Variants in RAB11FIP4 observed in about 807,000 individuals in gnomAD.
RAB11FIP4 encodes rab11 family-interacting protein 4.
Under a neutral mutation model 74.3 loss-of-function variants are expected in RAB11FIP4, and 23 were observed. That is an observed-to-expected ratio of 0.31 (90% CI 0.22 to 0.44). The LOEUF (loss-of-function observed/expected upper bound fraction) is 0.44, where lower values mean the gene tolerates loss of function less well. Ranked by LOEUF, RAB11FIP4 falls within the 20% of genes least tolerant of loss-of-function variation. The pLI is 1.00. For missense variants in RAB11FIP4, 630 were observed against 863.9 expected (o/e 0.73, Z 3.39); for synonymous variants, 360 against 359.9 (o/e 1.00, Z 0.00).
chr17:31,448,392 A>ATTTTTTTTGTTTTT (rs2071489965), intron 3 of RAB11FIP4: 1 of 79,832 alleles, frequency 1.3e-5, no homozygotes, highest in South Asian at 4.9e-4. Flanking sequence ...CATCCAGCTA[A>ATTTTTTTTGTTTTT]TTTTTTTTTT....
In RAB11FIP4 at chr17:31,530,464, G is replaced by C. The variant is rs770552148; in HGVS notation, c.1792G>C (p.Asp598His). ...TGCGGAGATAGACACCGCCTCGCGC[G>C]ATGAGGTAACCACACCACCGGCTCT... is the stretch of plus-strand genomic sequence containing the variant. ...LAAEIDTASR[D>H]ELMEALKEQE... The change falls in exon 14 of 15, where the codon GAT becomes CAT. Residue 598 changes from aspartate (D) to histidine (H), a missense_variant. Coordinates refer to ENST00000621161, the MANE Select transcript of RAB11FIP4 (RefSeq NM_032932.6). The C allele has an allele frequency of 6.2e-7, 1 of 1,613,078 alleles. No homozygotes were observed. The highest frequency in any genetic ancestry group is 1.3e-5 in the African/African-American group (1 of 74,914).
At chr17:31,522,269 T>C (rs1377786434) in intron 6 of RAB11FIP4, 91 bp from the exon 7 acceptor site, 10 of 1,396,740 alleles carry the variant, frequency 7.2e-6, no homozygotes, top group Non-Finnish European at 9.0e-6. Context: ...GGAAGAGCCT[T>C]GTCCTGCACT....
At chr17:31,397,378 G>T (rs1567641837) in intron 1 of RAB11FIP4, among the ~76,000 whole-genome samples, 1 of 152,164 alleles carries the variant, frequency 6.6e-6, no homozygotes, top group Non-Finnish European at 1.5e-5. Flanking sequence ...AGTGGCGGGG[G>T]GTGCAGAATT....
chr17:31,470,424 C>T (rs927441544), intron 3 of RAB11FIP4, among the ~76,000 whole-genome samples: 2 of 152,156 alleles, frequency 1.3e-5, no homozygotes, highest in African/African-American at 4.8e-5. Flanking sequence ...CATGAGATGC[C>T]TTAAAACCAT....
intron 1 of RAB11FIP4, chr17:31,392,318 G>A (rs2070882197): frequency 4.3e-6 from 1 of 229,894 alleles, no homozygotes; most frequent in Non-Finnish European, 8.5e-6. Flanking sequence ...ACCCTTGTCT[G>A]GGGGAGAGAG....
At chr17:31,519,181 A>AT (rs1258685708) in intron 4 of RAB11FIP4, among the ~76,000 whole-genome samples, 3 of 151,554 alleles carry the variant, frequency 2.0e-5, no homozygotes, top group Non-Finnish European at 2.9e-5. Flanking sequence ...CGCCTGGCTA[A>AT]TTTTTTGTAT....
At chr17:31,445,553 T>C (rs1217250048) in intron 3 of RAB11FIP4, among the ~76,000 whole-genome samples, 1 of 12,030 alleles carries the variant, frequency 8.3e-5, no homozygotes, top group African/African-American at 2.6e-4. Flanking sequence ...TATATATATA[T>C]ATATATATAT....
At chr17:31,449,759 G>C (rs1046906402) in intron 3 of RAB11FIP4, among the ~76,000 whole-genome samples, 4 of 152,176 alleles carry the variant, frequency 2.6e-5, no homozygotes, top group African/African-American at 9.7e-5. Context: ...AGGCTGGAGT[G>C]CAGTAGTGCA....
chr17:31,526,137 T>G (rs2072762742), intron 10 of RAB11FIP4: 1 of 152,236 alleles, frequency 6.6e-6, no homozygotes, highest in African/African-American at 2.4e-5. Context: ...CATTTTACAT[T>G]TTGACTCTAT....
Position 31,533,294 on chromosome 17 carries a change from A to G in RAB11FIP4, c.*1562A>G, listed in dbSNP as rs1302112004. ...TGTTGGATCTCGTGGCTTCTTTTTAATCTTTTGTTGGGGATTAGTTTCATG... is the reference window on the plus strand; with the variant it reads ...TGTTGGATCTCGTGGCTTCTTTTTAGTCTTTTGTTGGGGATTAGTTTCATG... On this transcript the variant is annotated 3_prime_UTR_variant, in exon 15 of 15. Coordinates refer to ENST00000621161, the MANE Select transcript of RAB11FIP4 (RefSeq NM_032932.6). The G allele has an allele frequency of 6.6e-6, 1 of 152,022 alleles. No homozygotes were observed. The highest frequency in any genetic ancestry group is 1.5e-5 in the Non-Finnish European group (1 of 68,094). 9.4% of individuals were successfully genotyped at this position (152,022 alleles called of 1,614,324 possible).
At chr17:31,425,506 C>T (rs1220118454) in intron 1 of RAB11FIP4, among the ~76,000 whole-genome samples, 5 of 152,136 alleles carry the variant, frequency 3.3e-5, no homozygotes. Context: ...GGTAATCAAT[C>T]AGACAGCAAC....
chr17:31,515,534 G>T (rs882360), intron 3 of RAB11FIP4, among the ~76,000 whole-genome samples: 30,313 of 150,884 alleles, frequency 0.2, 3,271 homozygotes, highest in South Asian at 0.31. Context: ...ACTGGTAGCA[G>T]CAGACGGCTG....
intron 1 of RAB11FIP4, among the ~76,000 whole-genome samples, chr17:31,411,929 G>A (rs938824122): frequency 7.9e-5 from 12 of 152,250 alleles, no homozygotes; most frequent in African/African-American, 2.2e-4. Flanking sequence ...TCTGGCCATC[G>A]TCCTTGCCTC....
intron 3 of RAB11FIP4, chr17:31,448,524 T>C (rs1392777766): frequency 1.3e-5 from 2 of 151,622 alleles, no homozygotes; most frequent in Non-Finnish European, 2.9e-5. Flanking sequence ...GAGCAACCTC[T>C]CCTAGCCCTG....
chr17:31,427,725 G>A (rs890358071), intron 1 of RAB11FIP4, among the ~76,000 whole-genome samples: 1 of 152,228 alleles, frequency 6.6e-6, no homozygotes, highest in East Asian at 1.9e-4. Flanking sequence ...GGTAGAGGGT[G>A]CCCTGGCTCA....
At chr17:31,516,404 G>A (rs532849329) in intron 3 of RAB11FIP4, among the ~76,000 whole-genome samples, 11 of 152,186 alleles carry the variant, frequency 7.2e-5, no homozygotes, top group African/African-American at 2.7e-4. Flanking sequence ...GGTTCTTAGC[G>A]TCTTGAACAA....
rs370666623 is a variant in RAB11FIP4 at position 31,512,092 on chromosome 17, G to C, written c.337-5559G>C. Among the ~76,000 whole-genome samples the C allele has an allele frequency of 2.6e-5, 4 of 152,184 alleles. No individual in the cohort carries two copies. Among genetic ancestry groups the C allele is most frequent in the East Asian group, 1.9e-4 (1 of 5,188 alleles). On this transcript the variant is annotated intron_variant, in intron 3 of 14. Coordinates refer to ENST00000621161, the MANE Select transcript of RAB11FIP4 (RefSeq NM_032932.6). The surrounding 1 kb of genome is among the most constrained non-coding windows in gnomAD (Gnocchi z 4.1). ...TAATTCCTCAGCTTGGCTTCTCTGA[G>C]GAGGGTGGGCGTCCCTCCTGGCTGC...
rs576904890 is a variant in RAB11FIP4, at chr17:31,503,326, T to TA, written c.337-14325_337-14324insA. Among the ~76,000 whole-genome samples the TA allele has an allele frequency of 1.9e-4, 29 of 149,850 alleles. No individual in the cohort carries two copies. The South Asian group carries it at 3.5e-3, about 18-fold the overall frequency. ...GGGATTGTAGGTGTGAGCCTGCAGTTCAGCCCGGCCTGAATTACCTCTTTA... is the reference window on the plus strand; with the variant it reads ...GGGATTGTAGGTGTGAGCCTGCAGTTACAGCCCGGCCTGAATTACCTCTTTA... On this transcript the variant is annotated intron_variant, in intron 3 of 14. Transcript: ENST00000621161.
chr17:31,507,976 G>A (rs570039574), intron 3 of RAB11FIP4, among the ~76,000 whole-genome samples: 7 of 152,164 alleles, frequency 4.6e-5, no homozygotes, highest in South Asian at 2.1e-4. Context: ...ACAGGCATGC[G>A]CCACCACACC....
Sources: gnomAD v4.1 joint callset for allele counts (sites outside exome capture counted in the v4.1 genomes callset) on GRCh38, gnomAD v4.1.1 for gene constraint, Gnocchi (gnomAD v3.1) non-coding constraint, MANE v1.5 for transcripts, NCBI Gene and HGNC (gene_info 2026-07-23, HGNC 2026-07-21) for gene names.